SPATA9: variants seen among roughly 807,000 people sequenced by gnomAD.
SPATA9 encodes the protein spermatogenesis associated 9.
In SPATA9, 27 loss-of-function variants were observed where a neutral mutation model predicts 25.5. That is an observed-to-expected ratio of 1.06 (90% confidence interval 0.78 to 1.46). The LOEUF is 1.46. SPATA9 is among the 40% of genes most tolerant of loss of function. The pLI, the probability that SPATA9 is intolerant of heterozygous loss-of-function variation, is 0.00. For missense variants in SPATA9, 282 were observed against 297.5 expected, an observed-to-expected ratio of 0.95 and a Z score of 0.38; for synonymous variants, 102 against 105.7, an observed-to-expected ratio of 0.97 and a Z score of 0.21.
chr5:95,664,242 C>A (rs1751547263), intron 3 of SPATA9, among the ~76,000 whole-genome samples, 194 bp from the exon 4 acceptor site: 1 of 152,116 alleles, frequency 6.6e-6, no homozygotes, highest in Admixed American at 6.5e-5. Flanking sequence ...TTGTGCTAAT[C>A]AAAACCTGTG....
the SPATA9 span, chr5:95,717,106 A>G: frequency 6.6e-6 from 1 of 152,148 alleles, no homozygotes; most frequent in Admixed American, 6.5e-5. Flanking sequence ...TTTGAATGAG[A>G]TTAACATTTA....
chr5:95,710,107 C>A, the SPATA9 span, among the ~76,000 whole-genome samples: 1 of 152,124 alleles, frequency 6.6e-6, no homozygotes, highest in Non-Finnish European at 1.5e-5. Context: ...GCTTGTAAAG[C>A]CTGAGCCCAC....
the SPATA9 span, among the ~76,000 whole-genome samples, chr5:95,709,699 C>T: frequency 2.6e-5 from 4 of 152,168 alleles, no homozygotes; most frequent in Non-Finnish European, 4.4e-5. Context: ...TGCTTCAGTC[C>T]ATCCAGAGAA....
downstream of SPATA9, chr5:95,652,228 A>G (rs1055474381): frequency 3.6e-5 from 55 of 1,539,098 alleles, no homozygotes; most frequent in Non-Finnish European, 4.8e-5. Flanking sequence ...TGGACACTCT[A>G]CTGATCTTGC....
At chr5:95,730,940 T>C in the SPATA9 span, 1 of 468,764 alleles carries the variant, frequency 2.1e-6, no homozygotes, top group Non-Finnish European at 4.2e-6. Context: ...GAAATCGGGT[T>C]GCTGGGGCGG....
chr5:95,658,777 G>A lies in SPATA9; in HGVS notation c.611C>T (p.Ala204Val), dbSNP rs1229924660. ...SEPVLSEPMFAEGEIKAKPYR... is the reference protein window; with the variant it reads ...SEPVLSEPMFVEGEIKAKPYR... ...AGGTTTTGCTTTGATTTCACCTTCAGCAAACATAGGCTCCGAAAGCACAGG... is the reference window on the plus strand; with the variant it reads ...AGGTTTTGCTTTGATTTCACCTTCAACAAACATAGGCTCCGAAAGCACAGG... Residue 204 changes from alanine to valine, a missense_variant, in exon 5 of 5, where the codon GCT (alanine) becomes GTT (valine). Transcript: ENST00000274432. The A allele has an allele frequency of 6.2e-7, 1 of 1,613,856 alleles. No individual in the cohort carries two copies. Among genetic ancestry groups the A allele is most frequent in the Non-Finnish European group, 8.5e-7 (1 of 1,179,880 alleles).
chr5:95,707,889 C>T, the SPATA9 span, among the ~76,000 whole-genome samples: 4,755 of 152,166 alleles, frequency 0.031, 243 homozygotes, highest in African/African-American at 0.11. Flanking sequence ...GCATTACATT[C>T]CCCACTTGTG....
chr5:95,669,695 G>A (rs780879219), intron 3 of SPATA9, among the ~76,000 whole-genome samples: 17 of 152,158 alleles, frequency 1.1e-4, no homozygotes, highest in Admixed American at 8.5e-4. Flanking sequence ...GGGAGCTGAC[G>A]TGTCTTGGCT....
downstream of SPATA9, among the ~76,000 whole-genome samples, chr5:95,655,073 A>G (rs552922763): frequency 6.6e-6 from 1 of 152,138 alleles, no homozygotes; most frequent in African/African-American, 2.4e-5. Context: ...AACCGATGCA[A>G]AGTACAAGCT....
At chr5:95,656,225 T>C (rs1461856527), downstream of SPATA9, 1 of 1,613,772 alleles carries the variant, frequency 6.2e-7, no homozygotes, top group East Asian at 2.2e-5. Flanking sequence ...GAAATATTTA[T>C]GTGACTCTTT....
chr5:95,706,554 TAG>T, the SPATA9 span, among the ~76,000 whole-genome samples: 1 of 152,088 alleles, frequency 6.6e-6, no homozygotes, highest in Non-Finnish European at 1.5e-5. Context: ...ATAAATTACC[TAG>T]TCGCAGGTAT....
intron 4 of SPATA9, among the ~76,000 whole-genome samples, chr5:95,661,103 T>C (rs949181920): frequency 2.0e-5 from 3 of 152,100 alleles, no homozygotes; most frequent in African/African-American, 7.2e-5. Context: ...TTTACTACTA[T>C]ATCTAATGGA....
chr5:95,689,855 T>TA (rs1223828041), intron 1 of SPATA9, among the ~76,000 whole-genome samples: 2 of 152,072 alleles, frequency 1.3e-5, no homozygotes, highest in African/African-American at 4.8e-5. Flanking sequence ...TATGCAGCCA[T>TA]AAAAAAGAAT....
the SPATA9 span, chr5:95,708,855 G>C: frequency 1.9e-6 from 1 of 530,890 alleles, no homozygotes; most frequent in Non-Finnish European, 3.4e-6. Flanking sequence ...AAGAGGTGAG[G>C]AGGAAGGAGT....
chr5:95,696,713 C>A (rs1308790091), intron 1 of SPATA9, among the ~76,000 whole-genome samples: 1 of 152,082 alleles, frequency 6.6e-6, no homozygotes, highest in African/African-American at 2.4e-5. Flanking sequence ...CCAGTCTTTA[C>A]AACAAATTAA....
chr5:95,690,955 GT>G (rs953367845), intron 1 of SPATA9, among the ~76,000 whole-genome samples: 3 of 152,048 alleles, frequency 2.0e-5, no homozygotes, highest in Admixed American at 1.3e-4. Context: ...CTTTCAAGGA[GT>G]TTTTTTCTAG....
intron 1 of SPATA9, among the ~76,000 whole-genome samples, chr5:95,692,363 CAT>C (rs1255640501): frequency 6.6e-6 from 1 of 152,088 alleles, no homozygotes; most frequent in African/African-American, 2.4e-5. Context: ...CAAATTTTCA[CAT>C]GTGGCAATTT....
At chr5:95,676,099 G>A (rs1437815435) in intron 2 of SPATA9, among the ~76,000 whole-genome samples, 1 of 152,048 alleles carries the variant, frequency 6.6e-6, no homozygotes, top group Admixed American at 6.6e-5. Context: ...TGGGATTACA[G>A]GTGTGAGCCA....
rs78969039 is a variant in SPATA9, at chr5:95,663,656, C to A, written c.474+297G>T. Among the ~76,000 whole-genome samples the A allele has an allele frequency of 2.2e-3, 342 of 152,082 alleles. 8 individuals are homozygous for A. The East Asian group carries it at 0.044, about 20-fold the overall frequency. ...TACTGAACTTTAGCCAACCATGGTA[C>A]AATGGCTGAAAAAAACAACTGTAGC... On this transcript the variant is annotated intron_variant, in intron 4 of 4. Coordinates refer to ENST00000274432, the MANE Select transcript of SPATA9 (RefSeq NM_031952.4).
Sources: gnomAD v4.1 joint callset for allele counts (sites outside exome capture counted in the v4.1 genomes callset) on GRCh38, gnomAD v4.1.1 for gene constraint, MANE v1.5 for transcripts, NCBI Gene and HGNC (gene_info 2026-07-23, HGNC 2026-07-21) for gene names.